Variants in EPHB1 observed in about 807,000 individuals in gnomAD.
The protein encoded by EPHB1 is ephrin type-B receptor 1.
EPHB1 carries 30 observed loss-of-function variants against 94.4 expected under a neutral mutation model. That is an observed-to-expected ratio of 0.32 (90% CI 0.24 to 0.43). EPHB1 has a LOEUF of 0.43. Ranked by LOEUF, EPHB1 falls within the 20% of genes least tolerant of loss-of-function variation. EPHB1 has a pLI of 1.00. For missense variants in EPHB1, 1,055 were observed against 1,308.3 expected, an observed-to-expected ratio of 0.81 and a Z score of 2.99; for synonymous variants, 522 against 489.1, an observed-to-expected ratio of 1.07 and a Z score of -0.89.
intron 3 of EPHB1, among the ~76,000 whole-genome samples, chr3:134,988,809 G>A (rs1934694744): frequency 6.6e-6 from 1 of 152,180 alleles, no homozygotes; most frequent in South Asian, 2.1e-4. Context: ...AGGATATTCA[G>A]GTTTTTGAGT....
At chr3:135,203,557 C>A (rs1463716362) in intron 12 of EPHB1, among the ~76,000 whole-genome samples, 1 of 152,022 alleles carries the variant, frequency 6.6e-6, no homozygotes, top group Non-Finnish European at 1.5e-5. Context: ...ATTATATAAC[C>A]ATTTAGAATG....
At chr3:135,105,351 G>C (rs561914339) in intron 3 of EPHB1, among the ~76,000 whole-genome samples, 1 of 152,324 alleles carries the variant, frequency 6.6e-6, no homozygotes, top group Admixed American at 6.5e-5. Flanking sequence ...AAGTAATGAG[G>C]TGTGTAAGAA....
At chr3:134,881,580 G>A (rs2037731473) in intron 1 of EPHB1, among the ~76,000 whole-genome samples, 1 of 152,206 alleles carries the variant, frequency 6.6e-6, no homozygotes, top group South Asian at 2.1e-4. Context: ...GTAGAGCTGG[G>A]TTGAAAGGGG....
At chr3:135,187,074 G>A (rs189291098) in intron 10 of EPHB1, among the ~76,000 whole-genome samples, 42 of 152,308 alleles carry the variant, frequency 2.8e-4, no homozygotes, top group Middle Eastern at 6.8e-3. Context: ...ACCACAGTTC[G>A]AGAACCACTG....
At chr3:135,027,077 T>G (rs1936210542) in intron 3 of EPHB1, among the ~76,000 whole-genome samples, 2 of 146,062 alleles carry the variant, frequency 1.4e-5, no homozygotes, top group African/African-American at 2.6e-5. Context: ...ATCCTGAGAC[T>G]TTGCTGAAGT....
chr3:135,217,059 G>C (rs1023425319), intron 12 of EPHB1, among the ~76,000 whole-genome samples: 75 of 152,166 alleles, frequency 4.9e-4, no homozygotes, highest in Non-Finnish European at 1.3e-4. Context: ...TAAGAGAAAA[G>C]GTCAAGAGGA....
chr3:134,942,446 G>C (rs992087821), intron 2 of EPHB1, among the ~76,000 whole-genome samples: 4 of 152,220 alleles, frequency 2.6e-5, no homozygotes, highest in Non-Finnish European at 5.9e-5. Flanking sequence ...AACCTCCTAT[G>C]ATGAGGAGCA....
At chr3:135,012,146 A>G (rs1298974422) in intron 3 of EPHB1, among the ~76,000 whole-genome samples, 5 of 152,210 alleles carry the variant, frequency 3.3e-5, no homozygotes, top group Admixed American at 3.3e-4. Flanking sequence ...TGAATAATAC[A>G]ATGTATAAAT....
chr3:134,896,371 A>G (rs1317293810), intron 1 of EPHB1, among the ~76,000 whole-genome samples: 3 of 152,220 alleles, frequency 2.0e-5, no homozygotes. Context: ...CCTCATCAGC[A>G]CAAGGGGGAC....
chr3:134,914,860 G>T (rs2038533007), intron 1 of EPHB1, among the ~76,000 whole-genome samples: 1 of 152,076 alleles, frequency 6.6e-6, no homozygotes, highest in Admixed American at 6.5e-5. Flanking sequence ...CTATAGGAGG[G>T]GCCACCAGCC....
At chr3:135,183,050 C>CT (rs61131751) in intron 10 of EPHB1, among the ~76,000 whole-genome samples, 2 of 90,210 alleles carry the variant, frequency 2.2e-5, no homozygotes, top group South Asian at 3.7e-4. Context: ...TTCTTTCTTT[C>CT]TTTCTTTCTT....
At chr3:135,017,669 C>G (rs932302928) in intron 3 of EPHB1, among the ~76,000 whole-genome samples, 2 of 152,142 alleles carry the variant, frequency 1.3e-5, no homozygotes, top group Non-Finnish European at 2.9e-5. Context: ...CTATGCTCCC[C>G]TCCCTGTGGG....
chr3:135,048,082 A>G (rs148331029), intron 3 of EPHB1, among the ~76,000 whole-genome samples: 76 of 152,200 alleles, frequency 5.0e-4, no homozygotes, highest in Non-Finnish European at 9.3e-4. Flanking sequence ...GTGATGGCTC[A>G]AAAAGGAAGC....
At chr3:135,087,652 T>A (rs1178902797) in intron 3 of EPHB1, among the ~76,000 whole-genome samples, 1 of 152,156 alleles carries the variant, frequency 6.6e-6, no homozygotes. Context: ...AGGATATCCA[T>A]GCACAATAAT....
chr3:134,972,196 C>A (rs1298901971), intron 3 of EPHB1, among the ~76,000 whole-genome samples: 1 of 152,012 alleles, frequency 6.6e-6, no homozygotes, highest in Non-Finnish European at 1.5e-5. Flanking sequence ...CCTCTCCTCA[C>A]CTGTCCTTTT....
chr3:135,013,638 C>G (rs1935693859), intron 3 of EPHB1, among the ~76,000 whole-genome samples: 1 of 152,172 alleles, frequency 6.6e-6, no homozygotes, highest in African/African-American at 2.4e-5. Context: ...TTACAACCAC[C>G]CAGCCCGCCC....
intron 1 of EPHB1, among the ~76,000 whole-genome samples, chr3:134,889,987 C>T (rs1283487879): frequency 6.6e-6 from 1 of 152,114 alleles, no homozygotes; most frequent in Non-Finnish European, 1.5e-5. Flanking sequence ...TTCAGACCTA[C>T]AAAAAGTATA....
intron 3 of EPHB1, among the ~76,000 whole-genome samples, chr3:135,027,241 C>T (rs1936217963): frequency 6.6e-6 from 1 of 152,092 alleles, no homozygotes; most frequent in Non-Finnish European, 1.5e-5. Flanking sequence ...GCCAGGACTT[C>T]CAGCACTATG....
intron 6 of EPHB1, among the ~76,000 whole-genome samples, chr3:135,159,703 A>G (rs924543): frequency 1 from 152,321 of 152,326 alleles, 76,158 homozygotes; most frequent in Non-Finnish European, 1. Context: ...TCTGCAGGCA[A>G]TCTCTCCCAG....
Sources: allele counts gnomAD v4.1 joint callset (sites outside exome capture counted in the v4.1 genomes callset), GRCh38; gene constraint gnomAD v4.1.1; transcripts MANE v1.5; gene names NCBI Gene and HGNC (gene_info 2026-07-23, HGNC 2026-07-21).